The following SLC67A2 variants were observed in gnomAD, a reference collection of about 807,000 sequenced individuals.
The protein encoded by SLC67A2 is solute carrier family 67 member 2, also known as solute carrier family 67 member A2.
At chr2:102,731,516 T>G in the SLC67A2 span, among the ~76,000 whole-genome samples, 1 of 152,240 alleles carries the variant, frequency 6.6e-6, no homozygotes, top group African/African-American at 2.4e-5. Context: ...TGATTTATTT[T>G]ATAAAGAATT....
At chr2:102,720,873 G>A in the SLC67A2 span, among the ~76,000 whole-genome samples, 1 of 152,172 alleles carries the variant, frequency 6.6e-6, no homozygotes, top group African/African-American at 2.4e-5. Context: ...AGTCATTCAG[G>A]GGTAAAGGAT....
chr2:102,732,382 G>C, the SLC67A2 span: 2 of 1,612,938 alleles, frequency 1.2e-6, no homozygotes, highest in Admixed American at 3.3e-5. Flanking sequence ...CTCAATAAAG[G>C]CACAACCATG....
the SLC67A2 span, among the ~76,000 whole-genome samples, chr2:102,725,146 A>C: frequency 1.3e-3 from 196 of 152,288 alleles, 1 homozygote; most frequent in Middle Eastern, 6.8e-3. Context: ...CGTCCAACTC[A>C]GGCACTTAAA....
chr2:102,722,400 G>C, the SLC67A2 span, among the ~76,000 whole-genome samples: 1 of 152,246 alleles, frequency 6.6e-6, no homozygotes, highest in African/African-American at 2.4e-5. Flanking sequence ...ACCTACCACT[G>C]TGCCAGCTGT....
the SLC67A2 span, among the ~76,000 whole-genome samples, chr2:102,721,657 CTGTG>C: frequency 1.0e-4 from 15 of 148,900 alleles, no homozygotes; most frequent in East Asian, 4.0e-4. Context: ...GCTCATAGTC[CTGTG>C]TGTGTGTGTG....
the SLC67A2 span, among the ~76,000 whole-genome samples, chr2:102,735,881 ACCG>A: frequency 2.6e-5 from 4 of 151,590 alleles, no homozygotes; most frequent in African/African-American, 7.3e-5. Flanking sequence ...ATGAAACCAA[ACCG>A]CCATTGTGCA....
chr2:102,736,434 G>A, the SLC67A2 span: 12 of 1,355,506 alleles, frequency 8.9e-6, no homozygotes, highest in Non-Finnish European at 1.1e-5. Context: ...CGGGGTGCAA[G>A]AGAAAGCGCG....
the SLC67A2 span, chr2:102,732,137 G>T: frequency 4.3e-6 from 3 of 703,268 alleles, no homozygotes; most frequent in South Asian, 4.5e-5. Context: ...AACATACGTC[G>T]TCTAGAAAAA....
At chr2:102,732,466 T>C in the SLC67A2 span, 6 of 1,358,980 alleles carry the variant, frequency 4.4e-6, no homozygotes, top group Non-Finnish European at 3.1e-6. Context: ...CTAGTAAACC[T>C]AAAAATTTAA....
At chr2:102,724,339 C>T in the SLC67A2 span, among the ~76,000 whole-genome samples, 1 of 152,116 alleles carries the variant, frequency 6.6e-6, no homozygotes, top group African/African-American at 2.4e-5. Flanking sequence ...CTAAGGTTGA[C>T]CCTGAGGATA....
the SLC67A2 span, among the ~76,000 whole-genome samples, chr2:102,727,334 A>T: frequency 1.1e-4 from 16 of 152,306 alleles, no homozygotes; most frequent in East Asian, 7.7e-4. Context: ...GTACATTTTT[A>T]AAAAATTTAG....
the SLC67A2 span, among the ~76,000 whole-genome samples, chr2:102,715,175 T>C: frequency 6.6e-6 from 1 of 152,318 alleles, no homozygotes; most frequent in East Asian, 1.9e-4. Context: ...TTAATCCTCC[T>C]TGCTGCGGCT....
At chr2:102,730,512 T>C in the SLC67A2 span, among the ~76,000 whole-genome samples, 4 of 152,150 alleles carry the variant, frequency 2.6e-5, no homozygotes, top group African/African-American at 9.6e-5. Flanking sequence ...TTACTGTCAA[T>C]GAAGTGTAAT....
At chr2:102,725,025 C>T in the SLC67A2 span, among the ~76,000 whole-genome samples, 2 of 152,182 alleles carry the variant, frequency 1.3e-5, no homozygotes, top group Non-Finnish European at 2.9e-5. Context: ...GTTCACTTTA[C>T]ATACATGAGG....
At chr2:102,725,107 T>C in the SLC67A2 span, among the ~76,000 whole-genome samples, 2 of 152,060 alleles carry the variant, frequency 1.3e-5, no homozygotes, top group Non-Finnish European at 2.9e-5. Context: ...GAGGTTGGGG[T>C]GGTGGACAGA....
At chr2:102,734,210 G>A in the SLC67A2 span, among the ~76,000 whole-genome samples, 28 of 152,200 alleles carry the variant, frequency 1.8e-4, no homozygotes, top group African/African-American at 6.5e-4. Context: ...TTTCAGGGTA[G>A]GAACCCCAGT....
chr2:102,722,663 A>G, the SLC67A2 span, among the ~76,000 whole-genome samples: 3 of 152,186 alleles, frequency 2.0e-5, no homozygotes, highest in African/African-American at 7.2e-5. Context: ...TTAAAGACAA[A>G]CATAAGACCT....
chr2:102,736,471 T>C, the SLC67A2 span: 3 of 1,467,078 alleles, frequency 2.0e-6, no homozygotes, highest in Non-Finnish European at 2.7e-6. Flanking sequence ...TGTGGCCAGA[T>C]GCAGACTGAA....
the SLC67A2 span, among the ~76,000 whole-genome samples, chr2:102,733,356 T>C: frequency 4.6e-5 from 7 of 152,192 alleles, no homozygotes; most frequent in Admixed American, 6.5e-5. Flanking sequence ...GCATGAAATA[T>C]GTATTTTCCT....
Sources: allele counts gnomAD v4.1 joint callset (sites outside exome capture counted in the v4.1 genomes callset), GRCh38; gene constraint gnomAD v4.1.1; transcripts MANE v1.5; gene names NCBI Gene and HGNC (gene_info 2026-07-23, HGNC 2026-07-21).